Variants in ZCCHC14 observed in about 807,000 individuals in gnomAD.
The protein encoded by ZCCHC14 is zinc finger CCHC-type containing 14, also known as zinc finger CCHC domain-containing protein 14.
ZCCHC14 carries 16 observed loss-of-function variants against 85.0 expected under a neutral mutation model. The ratio of observed to expected loss-of-function variants is 0.19; its 90% CI spans 0.13 to 0.29. ZCCHC14 has a LOEUF of 0.29. Among genes scored for constraint, ZCCHC14 ranks in the 10% least tolerant of loss-of-function variants. The pLI is 1.00. For synonymous variants in ZCCHC14, 775 were observed against 630.7 expected (o/e 1.23, Z -3.43); for missense variants, 1,303 against 1,443.5 (o/e 0.90, Z 1.58).
At chr16:87,422,366 C>T (rs535913565) in intron 4 of ZCCHC14, among the ~76,000 whole-genome samples, 4 of 152,088 alleles carry the variant, frequency 2.6e-5, no homozygotes, top group Admixed American at 2.6e-4. Context: ...AGGCTCGTGC[C>T]GCCAGAGTCC....
chr16:87,436,621 G>A (rs574074300), intron 2 of ZCCHC14, among the ~76,000 whole-genome samples: 4 of 152,226 alleles, frequency 2.6e-5, no homozygotes, highest in Non-Finnish European at 4.4e-5. Flanking sequence ...CACACATGCC[G>A]GGCTTACGCC....
chr16:87,458,828 C>T (rs534002949), intron 2 of ZCCHC14, among the ~76,000 whole-genome samples: 24 of 152,268 alleles, frequency 1.6e-4, no homozygotes, highest in Non-Finnish European at 2.5e-4. Flanking sequence ...CCAGCAGATG[C>T]GGACACAGCC....
chr16:87,475,551 T>A (rs1457192793), intron 1 of ZCCHC14, among the ~76,000 whole-genome samples: 2 of 107,482 alleles, frequency 1.9e-5, no homozygotes, highest in Non-Finnish European at 3.4e-5. Flanking sequence ...AGACTCTGTC[T>A]TAAAAAAAAA....
At chr16:87,490,617 C>T (rs1429763049) in intron 1 of ZCCHC14, among the ~76,000 whole-genome samples, 1 of 152,222 alleles carries the variant, frequency 6.6e-6, no homozygotes, top group East Asian at 1.9e-4. Flanking sequence ...GATCTTTAAC[C>T]TAACCTAACA....
At chr16:87,410,368 A>G (rs1176627021) in intron 12 of ZCCHC14, 33 bp from the exon 13 acceptor site, 1 of 767,260 alleles carries the variant, frequency 1.3e-6, no homozygotes, top group East Asian at 2.5e-5. Flanking sequence ...GTCAAATTTG[A>G]ATGACTGTAG....
chr16:87,429,326 T>C (rs1011141368), intron 3 of ZCCHC14, among the ~76,000 whole-genome samples: 5 of 152,242 alleles, frequency 3.3e-5, no homozygotes, highest in African/African-American at 1.2e-4. Context: ...GCCACCCATG[T>C]ATCTTCCTTG....
chr16:87,415,687 T>C lies in ZCCHC14; in HGVS notation c.1384-320A>G, dbSNP rs139037943. Among the ~76,000 whole-genome samples the C allele has an allele frequency of 2.1e-3, 315 of 152,300 alleles. 1 individual carries two copies. Among genetic ancestry groups the C allele is most frequent in the African/African-American group, 7.1e-3 (293 of 41,560 alleles). Reference sequence around the variant, plus strand: ...CCAAAGGTGCCCACTTGCCCTCTGCTCTGTGAGTAAATACCAGCAGGTACA... The same window carrying C: ...CCAAAGGTGCCCACTTGCCCTCTGCCCTGTGAGTAAATACCAGCAGGTACA... On this transcript the variant is annotated intron_variant, in intron 8 of 12. Transcript: ENST00000671377.
At chr16:87,411,429 AAAG>A (rs781054573) in intron 12 of ZCCHC14, 84 bp downstream of exon 12, 69 of 1,548,772 alleles carry the variant, frequency 4.5e-5, no homozygotes, top group South Asian at 2.3e-4. Context: ...CTTTACAAAG[AAAG>A]AAGTTTACTC....
In ZCCHC14 at chr16:87,449,577, A is replaced by T. The variant is rs1910598032; in HGVS notation, c.694+10431T>A. On this transcript the variant is annotated intron_variant, in intron 2 of 12. Coordinates refer to ENST00000671377, the MANE Select transcript of ZCCHC14 (RefSeq NM_015144.3). ...AGGTCAACAGAGACCTACAGAAGAA[A>T]ACCAGTAGTTTTCCGCCAAATGTCT... Among the ~76,000 whole-genome samples, 3 of 152,154 alleles carry T rather than the reference A, an allele frequency of 2.0e-5. No homozygotes were observed. In the South Asian group the frequency reaches 6.2e-4, roughly 32 times the overall value.
chr16:87,451,823 T>C (rs1597431212), intron 2 of ZCCHC14, among the ~76,000 whole-genome samples: 1 of 152,182 alleles, frequency 6.6e-6, no homozygotes, highest in African/African-American at 2.4e-5. Context: ...CCCTGGCTGG[T>C]GACACCACAG....
At position 87,406,904 on chromosome 16, in the gene ZCCHC14, A is replaced by T. The variant is rs1246442055; in HGVS notation, c.*3376T>A. On this transcript the variant is annotated 3_prime_UTR_variant, in exon 13 of 13. Transcript: ENST00000671377. The stretch of plus-strand genomic sequence containing the variant: ...GCAGCCACCCCCGCTCAGGTCGCAC[A>T]GGACTCTCCTCTGGGACAGCAGTCG... The T allele has an allele frequency of 4.6e-5, 7 of 152,194 alleles. No individual in the cohort carries two copies. The highest frequency in any genetic ancestry group is 1.4e-4 in the African/African-American group (6 of 41,440). 9.4% of individuals were successfully genotyped at this position (152,194 alleles called of 1,614,324 possible).
intron 1 of ZCCHC14, among the ~76,000 whole-genome samples, chr16:87,480,389 C>T (rs923860150): frequency 2.0e-5 from 3 of 151,578 alleles, no homozygotes; most frequent in Non-Finnish European, 4.4e-5. Flanking sequence ...GGCGACAGAG[C>T]GAGACACTGT....
intron 2 of ZCCHC14, among the ~76,000 whole-genome samples, chr16:87,448,279 T>C (rs1041953128): frequency 1.3e-5 from 2 of 152,312 alleles, no homozygotes; most frequent in South Asian, 2.1e-4. Flanking sequence ...CTGTTGCAAA[T>C]GGCAAGTCCA....
At chr16:87,414,026 G>T (rs969595987) in intron 10 of ZCCHC14, among the ~76,000 whole-genome samples, 5 of 152,248 alleles carry the variant, frequency 3.3e-5, no homozygotes, top group African/African-American at 1.2e-4. Flanking sequence ...ATTTAAAAAT[G>T]TAAAAATCAA....
At chr16:87,471,376 T>G (rs769927693) in intron 1 of ZCCHC14, 48 of 152,326 alleles carry the variant, frequency 3.2e-4, no homozygotes, top group Non-Finnish European at 6.6e-4. Flanking sequence ...CAAAAAAACA[T>G]TTTCCATGTA....
intron 12 of ZCCHC14, among the ~76,000 whole-genome samples, chr16:87,411,256 A>C (rs1001648578): frequency 2.0e-4 from 31 of 152,354 alleles, no homozygotes; most frequent in Admixed American, 1.6e-3. Context: ...AGGACACGGC[A>C]GTCCAGGGAG....
chr16:87,488,398 G>C lies in ZCCHC14; in HGVS notation c.570+3271C>G, dbSNP rs2150780745. ...GTACAACTAATTCAGCCTACCATCA[G>C]TGTGGCTACTGGAAGTATTTTTCTT... On this transcript the variant is annotated intron_variant, in intron 1 of 12. Transcript: ENST00000671377. Among the ~76,000 whole-genome samples, 3 of 152,248 alleles carry C rather than the reference G, an allele frequency of 2.0e-5. 1 individual carries two copies. The highest frequency in any genetic ancestry group is 4.4e-5 in the Non-Finnish European group (3 of 68,034).
intron 2 of ZCCHC14, among the ~76,000 whole-genome samples, chr16:87,448,483 T>C (rs1184544805): frequency 2.0e-5 from 3 of 152,190 alleles, no homozygotes; most frequent in African/African-American, 7.2e-5. Flanking sequence ...TTTCTTCCCG[T>C]GCGTACTGAA....
chr16:87,476,849 G>A (rs1172980901), intron 1 of ZCCHC14, among the ~76,000 whole-genome samples: 2 of 152,106 alleles, frequency 1.3e-5, no homozygotes, highest in East Asian at 1.9e-4. Flanking sequence ...AGTGGTGGCC[G>A]GGCGCGGTGG....
Sources: allele counts gnomAD v4.1 joint callset (sites outside exome capture counted in the v4.1 genomes callset), GRCh38; gene constraint gnomAD v4.1.1; transcripts MANE v1.5; gene names NCBI Gene and HGNC (gene_info 2026-07-23, HGNC 2026-07-21).